The following MAP4 variants were observed in gnomAD, a reference collection of about 807,000 sequenced individuals.
MAP4 encodes the protein microtubule-associated protein 4.
A neutral mutation model predicts 170.2 loss-of-function variants in MAP4; 76 were observed. The ratio of observed to expected loss-of-function variants is 0.45; its 90% confidence interval spans 0.37 to 0.54. The LOEUF is 0.54. MAP4 is among the 20% of genes least tolerant of loss of function. The pLI is 0.00. For missense variants in MAP4, 2,506 were observed against 2,748.0 expected (o/e 0.91, Z 1.97); for synonymous variants, 909 against 994.5 (o/e 0.91, Z 1.62).
chr3:47,906,684 A>C (rs2100033252), intron 9 of MAP4, among the ~76,000 whole-genome samples: 1 of 144,672 alleles, frequency 6.9e-6, no homozygotes, highest in Non-Finnish European at 1.5e-5. Context: ...ACTCTGTCTC[A>C]AAAAAAAAAA....
At chr3:48,049,986 G>A (rs1579562372) in intron 1 of MAP4, among the ~76,000 whole-genome samples, 1 of 151,854 alleles carries the variant, frequency 6.6e-6, no homozygotes, top group South Asian at 2.1e-4. Flanking sequence ...TTGGCCGGGT[G>A]CAGTGGCCCA....
At chr3:47,866,921 G>T (rs368701547) in intron 17 of MAP4, among the ~76,000 whole-genome samples, 1 of 152,112 alleles carries the variant, frequency 6.6e-6, no homozygotes, top group Non-Finnish European at 1.5e-5. Context: ...TCCCAGGAAC[G>T]GACTCCAGAC....
intron 17 of MAP4, among the ~76,000 whole-genome samples, chr3:47,860,839 A>G (rs921274106): frequency 1.3e-5 from 2 of 152,192 alleles, no homozygotes; most frequent in African/African-American, 4.8e-5. Context: ...GGACAACAGA[A>G]TATGTTAATT....
intron 2 of MAP4, among the ~76,000 whole-genome samples, chr3:47,985,203 C>T (rs1162220576): frequency 4.6e-5 from 7 of 152,020 alleles, no homozygotes; most frequent in African/African-American, 1.7e-4. Context: ...TCACCTGAAC[C>T]TGGGAGGCGG....
At chr3:48,054,037 C>A (rs1363990548) in intron 1 of MAP4, among the ~76,000 whole-genome samples, 3 of 152,168 alleles carry the variant, frequency 2.0e-5, no homozygotes, top group Non-Finnish European at 2.9e-5. Flanking sequence ...GGCATGGTGG[C>A]TCACACCTGT....
At chr3:48,073,034 G>A (rs953638505) in intron 1 of MAP4, among the ~76,000 whole-genome samples, 116 of 149,304 alleles carry the variant, frequency 7.8e-4, no homozygotes, top group African/African-American at 2.6e-3. Flanking sequence ...AGTTGGAGAC[G>A]AGCCTGGCCA....
intron 3 of MAP4, among the ~76,000 whole-genome samples, chr3:47,955,399 C>G (rs764584999): frequency 6.7e-6 from 1 of 149,328 alleles, no homozygotes; most frequent in African/African-American, 2.5e-5. Flanking sequence ...AGATCTTGAT[C>G]GCGTGACATT....
chr3:48,070,127 G>A (rs1325239485), intron 1 of MAP4, among the ~76,000 whole-genome samples: 3 of 151,838 alleles, frequency 2.0e-5, no homozygotes, highest in Non-Finnish European at 4.4e-5. Flanking sequence ...ACACCACCAT[G>A]GCTAGATAAT....
intron 10 of MAP4, among the ~76,000 whole-genome samples, chr3:47,902,673 CAAA>C (rs3051642): frequency 4.7e-4 from 12 of 25,774 alleles, no homozygotes; most frequent in African/African-American, 2.2e-3. Context: ...GACTCTGTCT[CAAA>C]AAAAAAAAAA....
At chr3:48,006,228 T>G (rs2100102231) in intron 1 of MAP4, among the ~76,000 whole-genome samples, 1 of 132,366 alleles carries the variant, frequency 7.6e-6, no homozygotes, top group African/African-American at 2.6e-5. Context: ...GGAGGCCAGG[T>G]ACCCTTGAGA....
At chr3:47,859,243 G>A (rs1463230455) in intron 17 of MAP4, among the ~76,000 whole-genome samples, 2 of 152,170 alleles carry the variant, frequency 1.3e-5, no homozygotes, top group Non-Finnish European at 2.9e-5. Context: ...AGGTACTGTG[G>A]GAGAGCCTGA....
chr3:47,954,878 T>C (rs1043739005), intron 3 of MAP4, among the ~76,000 whole-genome samples: 9 of 152,188 alleles, frequency 5.9e-5, no homozygotes, highest in South Asian at 2.1e-4. Flanking sequence ...TACTTGACTA[T>C]TGGCAGAGCT....
intron 1 of MAP4, among the ~76,000 whole-genome samples, chr3:48,052,072 CCAGA>C (rs1340544182): frequency 6.6e-6 from 1 of 152,132 alleles, no homozygotes; most frequent in Non-Finnish European, 1.5e-5. Context: ...GAGAATGTTT[CCAGA>C]CACTGTCAAA....
chr3:47,940,185 A>C (rs2100055402), intron 3 of MAP4, among the ~76,000 whole-genome samples: 1 of 152,102 alleles, frequency 6.6e-6, no homozygotes, highest in Admixed American at 6.6e-5. Flanking sequence ...TCCCTTCCAC[A>C]GGGTGCAGCA....
chr3:47,987,423 T>C lies in MAP4; in HGVS notation c.224-9490A>G, dbSNP rs1244046836. 5 of 1,529,484 alleles carry C rather than the reference T, an allele frequency of 3.3e-6. No individual in the cohort carries two copies. In the South Asian group the frequency reaches 4.8e-5, roughly 15 times the overall value. 94.7% of individuals were successfully genotyped at this position (1,529,484 alleles called of 1,614,324 possible). A position where few individuals can be genotyped will look rare whatever the true frequency, so the allele number is the denominator to read the frequency against. On this transcript the variant is annotated intron_variant, in intron 2 of 20. Coordinates refer to ENST00000683076, the MANE Select transcript of MAP4 (RefSeq NM_001385682.1). ...AAGAAAGGCTGGCAGGGTGTGGGGG[T>C]AGTGGGAGGTCTAGAAGGGAAAGGG... is the stretch of plus-strand genomic sequence containing the variant.
chr3:47,978,416 C>T (rs942683853), intron 2 of MAP4, among the ~76,000 whole-genome samples: 3 of 152,144 alleles, frequency 2.0e-5, no homozygotes, highest in Admixed American at 1.3e-4. Flanking sequence ...CTTCTGGGTT[C>T]GAGTGATTCT....
At chr3:48,028,001 C>T (rs547726921) in intron 1 of MAP4, among the ~76,000 whole-genome samples, 17 of 152,166 alleles carry the variant, frequency 1.1e-4, no homozygotes, top group African/African-American at 3.6e-4. Context: ...ACTTCAAGAA[C>T]GTTGCAGGGG....
rs2100095202 is a variant in MAP4 at position 47,995,769 on chromosome 3, A to G, written c.223+2869T>C. 2.0e-5 allele frequency among the ~76,000 whole-genome samples: 3 copies of G among 152,280 alleles called. No individual in the cohort carries two copies. In the South Asian group the frequency reaches 6.2e-4, roughly 32 times the overall value. ...AAAAACTTGAATTAATTGGAAAGCC[A>G]CCTAGTAGTATGAAATCCAAAGAAA... On this transcript the variant is annotated intron_variant, in intron 2 of 20. Coordinates refer to ENST00000683076, the MANE Select transcript of MAP4 (RefSeq NM_001385682.1).
chr3:47,916,004 T>C lies in MAP4; in HGVS notation c.1823A>G (p.Glu608Gly). ...QKGISEDSHLESLQDVGQSAA... is the reference protein window; with the variant it reads ...QKGISEDSHLGSLQDVGQSAA... ...TGACTGCCCCACATCCTGCAGAGAT[T>C]CTAAATGGGAATCCTCACTTATTCC... Residue 608 changes from glutamate (E) to glycine (G), a missense_variant, in exon 7 of 21, where the codon GAA becomes GGA. Coordinates refer to ENST00000683076, the MANE Select transcript of MAP4 (RefSeq NM_001385682.1). 1.9e-6 allele frequency: 3 copies of C among 1,614,204 alleles called. No individual in the cohort carries two copies. Among genetic ancestry groups the C allele is most frequent in the Non-Finnish European group, 2.5e-6 (3 of 1,180,020 alleles).
Sources: gnomAD v4.1 joint callset for allele counts (sites outside exome capture counted in the v4.1 genomes callset) on GRCh38, gnomAD v4.1.1 for gene constraint, MANE v1.5 for transcripts, NCBI Gene and HGNC (gene_info 2026-07-23, HGNC 2026-07-21) for gene names.